Variants in STARD6 observed in about 807,000 individuals in gnomAD.
STARD6 encodes StAR related lipid transfer domain containing 6, also known as stAR-related lipid transfer protein 6.
A neutral mutation model predicts 22.3 loss-of-function variants in STARD6; 21 were observed. The observed-to-expected ratio is 0.94, with a 90% confidence interval of 0.67 to 1.35. STARD6 has a LOEUF of 1.35. Ranked by LOEUF, STARD6 falls within the 40% of genes most tolerant of loss-of-function variation. STARD6 has a pLI of 0.00. For missense variants in STARD6, 269 were observed against 266.9 expected (o/e 1.01, Z -0.05); for synonymous variants, 80 against 88.1 (o/e 0.91, Z 0.52).
intron 4 of STARD6, among the ~76,000 whole-genome samples, chr18:54,346,472 G>A (rs1270747856): frequency 1.3e-5 from 2 of 151,740 alleles, no homozygotes; most frequent in East Asian, 3.9e-4. Flanking sequence ...AATATAAAAC[G>A]GTGCGGCCAG....
At chr18:54,341,286 C>T (rs1203047869) in intron 4 of STARD6, among the ~76,000 whole-genome samples, 2 of 152,124 alleles carry the variant, frequency 1.3e-5, no homozygotes, top group Middle Eastern at 3.2e-3. Context: ...GTCTCGATCT[C>T]CCGACCTCAT....
At chr18:54,345,107 T>C (rs2089022809) in intron 4 of STARD6, among the ~76,000 whole-genome samples, 1 of 152,022 alleles carries the variant, frequency 6.6e-6, no homozygotes, top group African/African-American at 2.4e-5. Flanking sequence ...GAAGTAAAAC[T>C]CTTCATGACA....
chr18:54,339,892 A>G (rs544355383), intron 4 of STARD6, among the ~76,000 whole-genome samples: 98 of 152,286 alleles, frequency 6.4e-4, no homozygotes, highest in African/African-American at 2.3e-3. Context: ...CTAAAACAAT[A>G]TAACATTTTA....
intron 1 of STARD6, chr18:54,357,269 T>C (rs1286963062): frequency 2.6e-5 from 4 of 152,252 alleles, no homozygotes; most frequent in Non-Finnish European, 5.9e-5. Context: ...ACAATGACCC[T>C]CTTTCTGAGC....
rs562265229 is a variant in STARD6 at position 54,347,617 on chromosome 18, TTAA to T, written c.140+6434_140+6436del. 5.8e-4 allele frequency among the ~76,000 whole-genome samples: 88 copies of T among 152,244 alleles called. 1 individual carries two copies. Among genetic ancestry groups the T allele is most frequent in the Admixed American group, 1.7e-3 (26 of 15,282 alleles). On this transcript the variant is annotated intron_variant, in intron 4 of 7. Coordinates refer to ENST00000307844, the MANE Select transcript of STARD6 (RefSeq NM_139171.2). ...GAACAACGCTTTCCAAATTATTATATTAATAATATCTGAATTATTTTTGTAGTT... is the reference window on the plus strand; with the variant it reads ...GAACAACGCTTTCCAAATTATTATATTAATATCTGAATTATTTTTGTAGTT...
At chr18:54,331,596 C>T (rs996564003) in intron 6 of STARD6, 146 bp downstream of exon 6, 3 of 606,374 alleles carry the variant, frequency 4.9e-6, no homozygotes, top group Admixed American at 5.8e-5. Flanking sequence ...GGCATATCTA[C>T]ATGATACGTC....
intron 4 of STARD6, among the ~76,000 whole-genome samples, chr18:54,340,995 G>A (rs1248673880): frequency 6.6e-6 from 1 of 152,112 alleles, no homozygotes. Flanking sequence ...AAGGGAAAAT[G>A]GACATATCTC....
intron 4 of STARD6, among the ~76,000 whole-genome samples, chr18:54,348,244 C>T (rs1425151538): frequency 6.6e-6 from 1 of 152,124 alleles, no homozygotes; most frequent in African/African-American, 2.4e-5. Context: ...AACTTACAAA[C>T]TGTCTCACAT....
intron 4 of STARD6, among the ~76,000 whole-genome samples, chr18:54,338,987 G>C (rs532544141): frequency 7.1e-6 from 1 of 140,328 alleles, no homozygotes; most frequent in Non-Finnish European, 1.5e-5. Context: ...GGCGGAGGTT[G>C]CAGTGAGCCG....
At chr18:54,345,726 GGACA>G (rs1237466940) in intron 4 of STARD6, among the ~76,000 whole-genome samples, 2 of 152,146 alleles carry the variant, frequency 1.3e-5, no homozygotes, top group Non-Finnish European at 2.9e-5. Context: ...ATTGGCATAA[GGACA>G]GACAGAGAGA....
intron 5 of STARD6, among the ~76,000 whole-genome samples, chr18:54,333,516 A>G (rs1445082892): frequency 6.6e-6 from 1 of 152,236 alleles, no homozygotes; most frequent in Non-Finnish European, 1.5e-5. Flanking sequence ...TGAATGAAAT[A>G]GTTAAATTTT....
intron 4 of STARD6, among the ~76,000 whole-genome samples, chr18:54,350,888 T>C (rs1196767538): frequency 6.6e-6 from 1 of 152,226 alleles, no homozygotes; most frequent in Non-Finnish European, 1.5e-5. Flanking sequence ...ACTAGAGCCT[T>C]GTAGAATAGT....
intron 4 of STARD6, among the ~76,000 whole-genome samples, chr18:54,339,561 A>G (rs2088951586): frequency 6.6e-6 from 1 of 152,154 alleles, no homozygotes; most frequent in Admixed American, 6.5e-5. Flanking sequence ...GGAGGCCAGA[A>G]GGAAGTAAAT....
At chr18:54,325,531 T>C (rs1170700932) in intron 7 of STARD6, among the ~76,000 whole-genome samples, 1 of 152,064 alleles carries the variant, frequency 6.6e-6, no homozygotes, top group Admixed American at 6.6e-5. Flanking sequence ...CAATAAAATA[T>C]CTTTGTAATG....
At chr18:54,353,775 C>T in intron 4 of STARD6, among the ~76,000 whole-genome samples, 1 of 152,212 alleles carries the variant, frequency 6.6e-6, no homozygotes, top group Non-Finnish European at 1.5e-5. Flanking sequence ...TACCAATCTG[C>T]TTTTATAGTA....
intron 2 of STARD6, among the ~76,000 whole-genome samples, chr18:54,355,333 T>A (rs1188721480): frequency 6.6e-6 from 1 of 152,180 alleles, no homozygotes; most frequent in Non-Finnish European, 1.5e-5. Flanking sequence ...CAAGTTTAAA[T>A]CAACTCAATT....
chr18:54,330,899 C>CAT (rs1028381916), intron 6 of STARD6, among the ~76,000 whole-genome samples: 3 of 151,982 alleles, frequency 2.0e-5, no homozygotes, highest in Admixed American at 6.6e-5. Context: ...GACAACGAAA[C>CAT]ATATATGAAC....
At chr18:54,346,711 A>C (rs565195475) in intron 4 of STARD6, among the ~76,000 whole-genome samples, 5 of 152,318 alleles carry the variant, frequency 3.3e-5, no homozygotes, top group South Asian at 2.1e-4. Flanking sequence ...ATAGAACATT[A>C]TTCTTCAATA....
chr18:54,351,738 T>G (rs924965132), intron 4 of STARD6, among the ~76,000 whole-genome samples: 3 of 152,162 alleles, frequency 2.0e-5, no homozygotes, highest in African/African-American at 7.2e-5. Context: ...TTATGTGATC[T>G]ATCACATTTA....
Sources: gnomAD v4.1 joint callset for allele counts (sites outside exome capture counted in the v4.1 genomes callset) on GRCh38, gnomAD v4.1.1 for gene constraint, MANE v1.5 for transcripts, NCBI Gene and HGNC (gene_info 2026-07-23, HGNC 2026-07-21) for gene names.